The following N4BP2L1 variants were observed in gnomAD, a reference collection of about 807,000 sequenced individuals.
N4BP2L1 encodes the protein NEDD4 binding protein 2 like 1.
In N4BP2L1, 12 loss-of-function variants were observed where a neutral mutation model predicts 21.2. The observed-to-expected ratio is 0.57, with a 90% CI of 0.36 to 0.92. N4BP2L1 has a LOEUF of 0.92. Ranked by LOEUF, N4BP2L1 falls within the 40% of genes least tolerant of loss-of-function variation. The pLI is 0.01. For synonymous variants in N4BP2L1, 104 were observed against 112.8 expected (o/e 0.92, Z 0.49); for missense variants, 259 against 310.6 (o/e 0.83, Z 1.25).
In N4BP2L1 at chr13:32,402,454, G is replaced by A. The variant is rs572255212; in HGVS notation, c.*488C>T. ...AAGGAAAATCAGTATCATAAGAGTC[G>A]CACATCTCACATTTTTAGATACATA... On this transcript the variant is annotated 3_prime_UTR_variant, in exon 5 of 5. Transcript: ENST00000380130. The A allele has an allele frequency of 3.8e-5, 37 of 966,486 alleles. No homozygotes were observed. The highest frequency in any genetic ancestry group is 4.8e-5 in the South Asian group (1 of 21,000). 59.9% of individuals were successfully genotyped at this position (966,486 alleles called of 1,614,324 possible).
chr13:32,423,742 G>C (rs1339761889), intron 1 of N4BP2L1, among the ~76,000 whole-genome samples: 5 of 152,212 alleles, frequency 3.3e-5, no homozygotes, highest in African/African-American at 1.2e-4. Context: ...AATGCATAGA[G>C]ACAGGAAGTA....
chr13:32,412,398 G>GGGCGGGAGGCCAAGACA (rs2073909117), intron 1 of N4BP2L1, among the ~76,000 whole-genome samples: 1 of 152,024 alleles, frequency 6.6e-6, no homozygotes, highest in Non-Finnish European at 1.5e-5. Flanking sequence ...AGGCCAAGAC[G>GGGCGGGAGGCCAAGACA]GGCGGATCAC....
intron 1 of N4BP2L1, chr13:32,419,535 G>C (rs2074356229): frequency 3.4e-6 from 1 of 298,268 alleles, no homozygotes; most frequent in Non-Finnish European, 6.5e-6. Flanking sequence ...GCCTCCCAAA[G>C]TGCTGGGATT....
chr13:32,416,828 C>A (rs533716917), intron 1 of N4BP2L1: 2 of 152,186 alleles, frequency 1.3e-5, no homozygotes, highest in African/African-American at 2.4e-5. Flanking sequence ...CCCGCCCCAC[C>A]CCCCTCCAGA....
intron 1 of N4BP2L1, among the ~76,000 whole-genome samples, chr13:32,411,138 C>A (rs990821253): frequency 6.6e-6 from 1 of 152,128 alleles, no homozygotes; most frequent in African/African-American, 2.4e-5. Flanking sequence ...ACAAAAACAG[C>A]ACATAACACT....
At chr13:32,425,225 G>C (rs1174307987) in intron 1 of N4BP2L1, 1 of 152,156 alleles carries the variant, frequency 6.6e-6, no homozygotes, top group Non-Finnish European at 1.5e-5. Flanking sequence ...AAAAAGTGGG[G>C]AAGGCAGCTC....
intron 4 of N4BP2L1, 62 bp from the exon 5 acceptor site, chr13:32,403,262 A>AC: frequency 6.6e-7 from 1 of 1,509,554 alleles, no homozygotes; most frequent in Non-Finnish European, 8.9e-7. Flanking sequence ...CTTATATTTT[A>AC]CAAGTCCTCT....
At chr13:32,411,863 C>T in intron 1 of N4BP2L1, 4 of 817,382 alleles carry the variant, frequency 4.9e-6, no homozygotes, top group Non-Finnish European at 5.9e-6. Context: ...GTAATTTTAA[C>T]TTGACGCCCA....
At chr13:32,420,868 C>T (rs1248479530) in intron 1 of N4BP2L1, among the ~76,000 whole-genome samples, 1 of 151,532 alleles carries the variant, frequency 6.6e-6, no homozygotes, top group Admixed American at 6.6e-5. Context: ...TAATTTTTTG[C>T]ATTTTTAGTA....
At chr13:32,417,023 G>A (rs932600594) in intron 1 of N4BP2L1, among the ~76,000 whole-genome samples, 4 of 152,064 alleles carry the variant, frequency 2.6e-5, no homozygotes, top group Non-Finnish European at 4.4e-5. Flanking sequence ...CCCCATCTCG[G>A]CCAGGCTGGT....
chr13:32,411,600 AT>A, intron 1 of N4BP2L1: 1 of 985,188 alleles, frequency 1.0e-6, no homozygotes, highest in Non-Finnish European at 1.2e-6. Flanking sequence ...AGCCTCATGC[AT>A]TAGGGAAATT....
intron 1 of N4BP2L1, among the ~76,000 whole-genome samples, chr13:32,409,913 C>T (rs1301648541): frequency 6.6e-6 from 1 of 152,162 alleles, no homozygotes; most frequent in African/African-American, 2.4e-5. Context: ...GACTGCCACA[C>T]AATTTAAAGA....
At chr13:32,426,621 T>C (rs1488147427) in intron 1 of N4BP2L1, among the ~76,000 whole-genome samples, 1 of 152,060 alleles carries the variant, frequency 6.6e-6, no homozygotes, top group Non-Finnish European at 1.5e-5. Context: ...CTCGGCACCA[T>C]CGAAATCCGC....
At position 32,401,567 on chromosome 13, in the gene N4BP2L1, T is replaced by C. The variant is rs2073131684; in HGVS notation, c.*1375A>G. 6.6e-6 allele frequency: 1 copy of C among 152,440 alleles called. No individual in the cohort carries two copies. The highest frequency in any genetic ancestry group is 1.5e-5 in the Non-Finnish European group (1 of 68,032). The allele number at this position is 152,440 out of a possible 1,614,324, so 9.4% of individuals were successfully genotyped here. ...ATCAAATATATAAGCAACTAAATTA[T>C]AAGGCTGCTTTTGTCATTACCTTTA... On this transcript the variant is annotated 3_prime_UTR_variant, in exon 5 of 5. Transcript: ENST00000380130.
At chr13:32,427,792 C>A (rs1370760613) in intron 1 of N4BP2L1, 112 bp downstream of exon 1, 3 of 613,624 alleles carry the variant, frequency 4.9e-6, no homozygotes, top group Non-Finnish European at 6.9e-6. Context: ...CGGCAGGCAC[C>A]CGCGGCGGGG....
Position 32,419,412 on chromosome 13 carries a change from A to ATTTTTTTTTTTTTTTTTTTTT in N4BP2L1, c.179+8471_179+8491dup, listed in dbSNP as rs71071039. On this transcript the variant is annotated intron_variant, in intron 1 of 4. Transcript: ENST00000380130. ...GGGTGCTTGCCACCATGCTTGGCTA[A>ATTTTTTTTTTTTTTTTTTTTT]TTTTTTTTTTTTTTTTTTTTTTTTT... The ATTTTTTTTTTTTTTTTTTTTT allele has an allele frequency of 9.1e-5, 26 of 284,696 alleles. 2 individuals are homozygous for ATTTTTTTTTTTTTTTTTTTTT. The highest frequency in any genetic ancestry group is 1.0e-4 in the Non-Finnish European group (16 of 158,726). The allele number at this position is 284,696 out of a possible 1,614,324, so 17.6% of individuals were successfully genotyped here.
intron 1 of N4BP2L1, among the ~76,000 whole-genome samples, chr13:32,419,239 C>A (rs1471504182): frequency 3.3e-5 from 2 of 61,304 alleles, no homozygotes; most frequent in Non-Finnish European, 5.6e-5. Context: ...CAAGATCTGG[C>A]TTTTTTTTTT....
At position 32,402,304 on chromosome 13, in the gene N4BP2L1, C is replaced by T; in HGVS notation, c.*638G>A. Reference sequence around the variant, plus strand: ...TGATTTCCCTCAGTAGCTCCTGTAGCTATTAAGGATTTGACAGCATTTTTA... The same window carrying T: ...TGATTTCCCTCAGTAGCTCCTGTAGTTATTAAGGATTTGACAGCATTTTTA... On this transcript the variant is annotated 3_prime_UTR_variant, in exon 5 of 5. Transcript: ENST00000380130. The T allele has an allele frequency of 1.7e-6, 1 of 578,124 alleles. No individual in the cohort carries two copies. Among genetic ancestry groups the T allele is most frequent in the Non-Finnish European group, 2.2e-6 (1 of 458,280 alleles). 35.8% of individuals were successfully genotyped at this position (578,124 alleles called of 1,614,324 possible). A position where few individuals can be genotyped will look rare whatever the true frequency, so the allele number is the denominator to read the frequency against.
chr13:32,410,220 C>T (rs2073773712), intron 1 of N4BP2L1, among the ~76,000 whole-genome samples: 1 of 152,214 alleles, frequency 6.6e-6, no homozygotes, highest in African/African-American at 2.4e-5. Context: ...GGGCGGAGTG[C>T]CCTAAGCAGG....
Sources: allele counts gnomAD v4.1 joint callset (sites outside exome capture counted in the v4.1 genomes callset), GRCh38; gene constraint gnomAD v4.1.1; transcripts MANE v1.5; gene names NCBI Gene and HGNC (gene_info 2026-07-23, HGNC 2026-07-21).